The following ESYT3 variants were observed in gnomAD, a reference collection of about 807,000 sequenced individuals.
ESYT3 encodes the protein extended synaptotagmin-3.
A neutral mutation model predicts 111.5 loss-of-function variants in ESYT3; 101 were observed. The ratio of observed to expected loss-of-function variants is 0.91; its 90% CI spans 0.77 to 1.07. ESYT3 has a LOEUF of 1.07. Ranked by LOEUF, ESYT3 falls within the 50% of genes least tolerant of loss-of-function variation. ESYT3 has a pLI of 0.00. For missense variants in ESYT3, 1,097 were observed against 1,109.4 expected (o/e 0.99, Z 0.16); for synonymous variants, 416 against 446.8 (o/e 0.93, Z 0.87).
At chr3:138,473,456 A>G in intron 18 of ESYT3, 80 bp from the exon 19 acceptor site, 3 of 1,253,022 alleles carry the variant, frequency 2.4e-6, no homozygotes, top group Non-Finnish European at 3.5e-6. Context: ...TCAAGCAGGA[A>G]TGCTTCTTTG....
In ESYT3 at chr3:138,434,773, G is replaced by A; in HGVS notation, c.-26G>A. On this transcript the variant is annotated 5_prime_UTR_variant, in exon 1 of 23. Coordinates refer to ENST00000389567, the MANE Select transcript of ESYT3 (RefSeq NM_031913.5). Reference sequence around the variant, plus strand: ...GGACCTAAGCTCGGGTGAAGCTCTCGGGAAGGGCAAGACTGCGGCGACGAG... The same window carrying A: ...GGACCTAAGCTCGGGTGAAGCTCTCAGGAAGGGCAAGACTGCGGCGACGAG... The A allele has an allele frequency of 6.6e-7, 1 of 1,508,698 alleles. No homozygotes were observed. Among genetic ancestry groups the A allele is most frequent in the Non-Finnish European group, 8.8e-7 (1 of 1,135,348 alleles). The allele number at this position is 1,508,698 out of a possible 1,614,324, so 93.5% of individuals were successfully genotyped here.
rs746783800 is a variant in ESYT3 at position 138,473,576 on chromosome 3, C to T, written c.2278C>T (p.Leu760Phe). Residue 760 changes from leucine (L) to phenylalanine (F), a missense_variant, in exon 19 of 23, where the codon CTC becomes TTC. By Grantham distance (22) the Leu-to-Phe change is conservative. Coordinates refer to ENST00000389567, the MANE Select transcript of ESYT3 (RefSeq NM_031913.5). The part of the protein sequence containing the change: ...LRRRQLGEIQ[L>F]TVRYVCLRRC... Reference sequence around the variant, plus strand: ...GCGACGGCAGCTGGGTGAGATTCAGCTCACAGTGCGCTATGTGTGTCTGCG... The same window carrying T: ...GCGACGGCAGCTGGGTGAGATTCAGTTCACAGTGCGCTATGTGTGTCTGCG... 23 of 1,613,874 alleles carry T rather than the reference C, an allele frequency of 1.4e-5. No individual in the cohort carries two copies. Among genetic ancestry groups the T allele is most frequent in the South Asian group, 5.5e-5 (5 of 91,078 alleles).
intron 20 of ESYT3, among the ~76,000 whole-genome samples, chr3:138,475,623 C>T (rs1015746649): frequency 2.0e-5 from 3 of 152,080 alleles, no homozygotes; most frequent in East Asian, 1.9e-4. Context: ...GTGAGGAGGG[C>T]CAGCTAAAAG....
At chr3:138,469,977 TG>T in intron 15 of ESYT3, 82 bp from the exon 16 acceptor site, 1 of 1,199,900 alleles carries the variant, frequency 8.3e-7, no homozygotes, top group Non-Finnish European at 1.2e-6. Flanking sequence ...TGGTACCTGG[TG>T]GCCAGAGTGA....
In ESYT3 at chr3:138,440,443, T is replaced by A. The variant is rs1258638531; in HGVS notation, c.327+5318T>A. On this transcript the variant is annotated intron_variant, in intron 1 of 22. Coordinates refer to ENST00000389567, the MANE Select transcript of ESYT3 (RefSeq NM_031913.5). The surrounding 1 kb of genome is among the most constrained non-coding windows in gnomAD (Gnocchi z 4.2). ...GTCTGTCCTGAGATACTTCAGTTAATTAGAGGAAGTAAATGCAGTGACAGC... is the reference window on the plus strand; with the variant it reads ...GTCTGTCCTGAGATACTTCAGTTAAATAGAGGAAGTAAATGCAGTGACAGC... Among the ~76,000 whole-genome samples the A allele has an allele frequency of 6.6e-6, 1 of 152,140 alleles. No homozygotes were observed. The highest frequency in any genetic ancestry group is 1.9e-4 in the East Asian group (1 of 5,190).
intron 1 of ESYT3, among the ~76,000 whole-genome samples, chr3:138,441,848 A>G (rs1375791005): frequency 1.3e-5 from 2 of 151,322 alleles, no homozygotes; most frequent in Non-Finnish European, 2.9e-5. Flanking sequence ...AAGGTGCTGT[A>G]TATTTCAAGC....
At chr3:138,460,708 G>A (rs1175842828) in intron 7 of ESYT3, 42 bp downstream of exon 7, 11 of 1,597,570 alleles carry the variant, frequency 6.9e-6, no homozygotes, top group South Asian at 5.5e-5. Flanking sequence ...ATAAGTTTGG[G>A]GGCCTCCAGG....
At chr3:138,442,401 T>C (rs1022325295) in intron 1 of ESYT3, among the ~76,000 whole-genome samples, 1 of 152,258 alleles carries the variant, frequency 6.6e-6, no homozygotes, top group Non-Finnish European at 1.5e-5. Context: ...AGTTGTGTAA[T>C]TGTTTCTCTA....
At chr3:138,446,530 T>A (rs565007706) in intron 1 of ESYT3, among the ~76,000 whole-genome samples, 1 of 152,196 alleles carries the variant, frequency 6.6e-6, no homozygotes, top group Non-Finnish European at 1.5e-5. Context: ...GAGATAGCAA[T>A]TGTCATATTA....
chr3:138,436,764 T>C (rs926198038), intron 1 of ESYT3, among the ~76,000 whole-genome samples: 17 of 152,220 alleles, frequency 1.1e-4, no homozygotes, highest in African/African-American at 4.1e-4. Context: ...CCAGGCCATC[T>C]GTCAGATCTC....
In ESYT3 at chr3:138,470,920, T is replaced by TC. The variant is rs753918311; in HGVS notation, c.1639dup (p.Leu547ProfsTer9). ...GAGTGTGCTCTGGGAATGCTGGAGG[T>TC]CCCCCTGTGCCAGATCCTCCCCTAT... On this transcript the variant is annotated frameshift_variant, in exon 17 of 23. Transcript: ENST00000389567. LOFTEE classifies it high-confidence loss of function. 2 of 1,613,936 alleles carry TC rather than the reference T, an allele frequency of 1.2e-6. No homozygotes were observed. Among genetic ancestry groups the TC allele is most frequent in the Non-Finnish European group, 1.7e-6 (2 of 1,179,988 alleles).
chr3:138,473,108 A>G, intron 18 of ESYT3: 14 of 1,393,614 alleles, frequency 1.0e-5, no homozygotes, highest in Non-Finnish European at 1.3e-5. Flanking sequence ...GGTCCCTTCC[A>G]GCAGAACCAT....
Position 138,476,497 on chromosome 3 carries a change from G to T in ESYT3, c.2624+5G>T. ...GATTAAGGGCTTTTCACAATGGTAA[G>T]TGTGCCCTTTCATTTTATCACTGTT... On this transcript the variant is annotated splice_donor_5th_base_variant and intron_variant, in intron 22 of 22. Transcript: ENST00000389567. 6.2e-7 allele frequency: 1 copy of T among 1,613,092 alleles called. No homozygotes were observed. Among genetic ancestry groups the T allele is most frequent in the Non-Finnish European group, 8.5e-7 (1 of 1,179,766 alleles).
At chr3:138,443,502 A>C (rs1560211944) in intron 1 of ESYT3, among the ~76,000 whole-genome samples, 1 of 152,186 alleles carries the variant, frequency 6.6e-6, no homozygotes, top group Admixed American at 6.5e-5. Flanking sequence ...CCTGAAGTCC[A>C]ATGGCCTCCT....
chr3:138,459,148 C>T (rs771757852), intron 4 of ESYT3, 39 bp from the exon 5 acceptor site: 9 of 1,462,190 alleles, frequency 6.2e-6, no homozygotes, highest in African/African-American at 1.4e-5. Context: ...AGTGGACCTA[C>T]CCCTCCTCCC....
intron 17 of ESYT3, 58 bp downstream of exon 17, chr3:138,471,084 G>A (rs2033197671): frequency 7.7e-6 from 11 of 1,436,022 alleles, no homozygotes; most frequent in Admixed American, 1.7e-5. Flanking sequence ...AATGGAGCAA[G>A]GTGTACTGCC....
Position 138,469,342 on chromosome 3 carries a change from G to T in ESYT3, c.1435-94G>T. 1 of 1,097,662 alleles carries T rather than the reference G, an allele frequency of 9.1e-7. No homozygotes were observed. The highest frequency in any genetic ancestry group is 1.4e-6 in the Non-Finnish European group (1 of 728,850). 68.0% of individuals were successfully genotyped at this position (1,097,662 alleles called of 1,614,324 possible). A position where few individuals can be genotyped will look rare whatever the true frequency, so the allele number is the denominator to read the frequency against. ...AAAGAGAAGTAACTGGGTGGCCCCA[G>T]TTCCCCCAGATGCTCCTGGGGGTTG... is the stretch of plus-strand genomic sequence containing the variant. On this transcript the variant is annotated intron_variant, in intron 14 of 22. Coordinates refer to ENST00000389567, the MANE Select transcript of ESYT3 (RefSeq NM_031913.5).
Position 138,476,209 on chromosome 3 carries a change from T to C in ESYT3, c.2469-14T>C. The stretch of plus-strand genomic sequence containing the variant: ...TGAAATGCATAATTCTCACTTCCTT[T>C]TTGCTTCCTAAAGATTTGAATTTTT... On this transcript the variant is annotated splice_polypyrimidine_tract_variant and intron_variant, in intron 20 of 22. Coordinates refer to ENST00000389567, the MANE Select transcript of ESYT3 (RefSeq NM_031913.5). The C allele has an allele frequency of 6.5e-7, 1 of 1,531,166 alleles. No homozygotes were observed. Among genetic ancestry groups the C allele is most frequent in the Non-Finnish European group, 9.0e-7 (1 of 1,106,674 alleles). 94.8% of individuals were successfully genotyped at this position (1,531,166 alleles called of 1,614,324 possible).
chr3:138,457,732 C>T, intron 4 of ESYT3, 88 bp downstream of exon 4: 2 of 1,273,030 alleles, frequency 1.6e-6, no homozygotes, highest in Non-Finnish European at 1.1e-6. Context: ...TATATATATA[C>T]TCTGACTTGG....
Sources: allele counts gnomAD v4.1 joint callset (sites outside exome capture counted in the v4.1 genomes callset), GRCh38; gene constraint gnomAD v4.1.1; non-coding constraint Gnocchi (gnomAD v3.1); transcripts MANE v1.5; gene names NCBI Gene and HGNC (gene_info 2026-07-23, HGNC 2026-07-21).